The following AGBL1 variants were observed in gnomAD, a reference collection of about 807,000 sequenced individuals.
The protein encoded by AGBL1 is cytosolic carboxypeptidase 4.
In AGBL1, 130 loss-of-function variants were observed where a neutral mutation model predicts 118.9. The observed-to-expected ratio is 1.09, with a 90% CI of 0.95 to 1.26. The LOEUF is 1.26. Among genes scored for constraint, AGBL1 ranks in the 50% most tolerant of loss-of-function variants. The pLI is 0.00. For missense variants in AGBL1, 1,584 were observed against 1,298.1 expected (o/e 1.22, Z -3.38); for synonymous variants, 555 against 478.9 (o/e 1.16, Z -2.08).
chr15:86,635,878 A>G lies in AGBL1; in HGVS notation c.2995-38395A>G, dbSNP rs372217993. ...GTGCCAACTGCCAAAGGAGTTATCA[A>G]TAGAACTCCTGGCCCTAACTTTTGT... On this transcript the variant is annotated intron_variant, in intron 21 of 22. Transcript: ENST00000614907. Among the ~76,000 whole-genome samples, 127 of 152,276 alleles carry G rather than the reference A, an allele frequency of 8.3e-4. 2 individuals carry two copies. The Middle Eastern group carries it at 0.014, about 16-fold the overall frequency.
At chr15:86,667,743 A>G (rs1279993520) in intron 21 of AGBL1, among the ~76,000 whole-genome samples, 1 of 151,858 alleles carries the variant, frequency 6.6e-6, no homozygotes, top group African/African-American at 2.4e-5. Flanking sequence ...ATACTATCTG[A>G]GTTTGAAATT....
chr15:86,181,140 G>T (rs548984116), intron 5 of AGBL1, among the ~76,000 whole-genome samples: 62 of 152,096 alleles, frequency 4.1e-4, no homozygotes, highest in Non-Finnish European at 7.7e-4. Flanking sequence ...CTATCATATT[G>T]TTCACACACT....
At chr15:86,478,208 C>T (rs1270514429) in intron 18 of AGBL1, among the ~76,000 whole-genome samples, 2 of 152,118 alleles carry the variant, frequency 1.3e-5, no homozygotes, top group African/African-American at 4.8e-5. Context: ...CCCTACTGAA[C>T]ATAGTGTTGG....
intron 18 of AGBL1, among the ~76,000 whole-genome samples, chr15:86,422,940 A>G (rs2081812244): frequency 6.6e-6 from 1 of 152,226 alleles, no homozygotes. Flanking sequence ...TTGAGGCAGT[A>G]CTTGATAGCT....
rs372294123 is a variant in AGBL1 at position 86,540,196 on chromosome 15, A to G, written c.2686-5806A>G. On this transcript the variant is annotated intron_variant, in intron 19 of 22. Coordinates refer to ENST00000614907, the MANE Select transcript of AGBL1 (RefSeq NM_001386094.1). ...TAAATTAACTATTGTTGCTATTATT[A>G]TTGTTACGGAGAGCAGTGCTGTGTT... Among the ~76,000 whole-genome samples the G allele has an allele frequency of 2.1e-3, 313 of 152,302 alleles. 1 individual carries two copies. Among genetic ancestry groups the G allele is most frequent in the African/African-American group, 6.8e-3 (282 of 41,564 alleles).
chr15:86,375,254 C>A (rs2081026516), intron 17 of AGBL1, among the ~76,000 whole-genome samples: 1 of 152,174 alleles, frequency 6.6e-6, no homozygotes, highest in African/African-American at 2.4e-5. Flanking sequence ...GCTGGCAAGG[C>A]CTCAGGACAC....
chr15:86,080,869 G>T lies in AGBL1; in HGVS notation c.51+846G>T, dbSNP rs528884183. ...TGCCAGTGTTCAAAAAGGCCCAAGG[G>T]GTCTTCTACCCCAGGAGTTTAAGCT... is the stretch of plus-strand genomic sequence containing the variant. On this transcript the variant is annotated intron_variant, in intron 1 of 22. Transcript: ENST00000614907. Among the ~76,000 whole-genome samples, 52 of 151,978 alleles carry T rather than the reference G, an allele frequency of 3.4e-4. No individual in the cohort carries two copies. The South Asian group carries it at 0.011, about 31-fold the overall frequency.
chr15:86,358,855 T>C (rs2141916345), intron 17 of AGBL1, among the ~76,000 whole-genome samples: 1 of 152,172 alleles, frequency 6.6e-6, no homozygotes, highest in Admixed American at 6.5e-5. Context: ...CTTAGCCCAT[T>C]TTTAAATTAA....
At chr15:86,761,441 G>T (rs1320587843) in intron 22 of AGBL1, among the ~76,000 whole-genome samples, 2 of 152,058 alleles carry the variant, frequency 1.3e-5, no homozygotes, top group Non-Finnish European at 2.9e-5. Context: ...TGAATAGCCT[G>T]TATGAAAAAT....
At chr15:86,753,102 C>G (rs1489472919) in intron 22 of AGBL1, among the ~76,000 whole-genome samples, 2 of 152,078 alleles carry the variant, frequency 1.3e-5, no homozygotes, top group African/African-American at 4.8e-5. Context: ...ACCCTTCTAT[C>G]TAAATCTGTT....
At chr15:86,599,886 C>T (rs1408218565) in intron 21 of AGBL1, among the ~76,000 whole-genome samples, 2 of 151,992 alleles carry the variant, frequency 1.3e-5, no homozygotes, top group African/African-American at 4.8e-5. Context: ...ATAATTAGGG[C>T]TCAGTAGGTG....
chr15:86,291,124 CA>C (rs1318032704), intron 16 of AGBL1, among the ~76,000 whole-genome samples: 2 of 152,054 alleles, frequency 1.3e-5, no homozygotes, highest in Non-Finnish European at 2.9e-5. Context: ...TAGACTGGAC[CA>C]AGTCCTTATT....
In AGBL1 at chr15:86,846,255, T is replaced by A. The variant is rs1032685520; in HGVS notation, c.3159-60832T>A. On this transcript the variant is annotated intron_variant, in intron 22 of 22. Transcript: ENST00000614907. The stretch of plus-strand genomic sequence containing the variant: ...TCTGGCAATGTCTTGTTTTCATTTT[T>A]GAAGGATAGTGTTCCTGGATAGTTG... 2.0e-5 allele frequency among the ~76,000 whole-genome samples: 3 copies of A among 152,234 alleles called. 1 individual carries two copies. Among genetic ancestry groups the A allele is most frequent in the Non-Finnish European group, 4.4e-5 (3 of 68,036 alleles).
At chr15:86,315,235 C>G (rs2079984107) in intron 17 of AGBL1, among the ~76,000 whole-genome samples, 1 of 152,168 alleles carries the variant, frequency 6.6e-6, no homozygotes. Context: ...AATGTAATGT[C>G]AAGAGTTATA....
chr15:86,299,834 C>T (rs1196618824), intron 17 of AGBL1: 5 of 151,940 alleles, frequency 3.3e-5, no homozygotes, highest in African/African-American at 9.7e-5. Flanking sequence ...GGTGTGGTAT[C>T]TCCTTTCTTA....
At position 86,271,718 on chromosome 15, in the gene AGBL1, C is replaced by G. The variant is rs78855902; in HGVS notation, c.2075+12C>G. On this transcript the variant is annotated intron_variant, in intron 15 of 22. Coordinates refer to ENST00000614907, the MANE Select transcript of AGBL1 (RefSeq NM_001386094.1). ...ATATGTTATTACAAGTAAGTTAGAG[C>G]GCTGTTAGCTTCCTTTTCTCTGTCC... is the stretch of plus-strand genomic sequence containing the variant. 1 of 1,601,360 alleles carries G rather than the reference C, an allele frequency of 6.2e-7. No homozygotes were observed. Among genetic ancestry groups the G allele is most frequent in the Non-Finnish European group, 8.6e-7 (1 of 1,168,510 alleles).
chr15:86,885,658 C>T (rs1301471164), intron 22 of AGBL1, among the ~76,000 whole-genome samples: 1 of 152,032 alleles, frequency 6.6e-6, no homozygotes, highest in African/African-American at 2.4e-5. Context: ...GTGAAAAAAG[C>T]AATAAGATAT....
chr15:86,855,738 C>G (rs1385822437), intron 22 of AGBL1, among the ~76,000 whole-genome samples: 3 of 152,220 alleles, frequency 2.0e-5, no homozygotes, highest in African/African-American at 7.2e-5. Context: ...ATCCCGTCAT[C>G]TTCCTGTGCT....
chr15:86,633,571 T>C (rs2085015085), intron 21 of AGBL1, among the ~76,000 whole-genome samples: 1 of 151,980 alleles, frequency 6.6e-6, no homozygotes, highest in African/African-American at 2.4e-5. Context: ...ATTTTTATTT[T>C]AAATTTTGAT....
Sources: allele counts gnomAD v4.1 joint callset (sites outside exome capture counted in the v4.1 genomes callset), GRCh38; gene constraint gnomAD v4.1.1; transcripts MANE v1.5; gene names NCBI Gene and HGNC (gene_info 2026-07-23, HGNC 2026-07-21).